Variants in RAMP3 observed in about 807,000 individuals in gnomAD.
RAMP3 encodes receptor activity modifying protein 3.
A neutral mutation model predicts 13.5 loss-of-function variants in RAMP3; 14 were observed. The ratio of observed to expected loss-of-function variants is 1.04; its 90% CI spans 0.69 to 1.63. RAMP3 has a LOEUF of 1.63. RAMP3 is among the 40% of genes most tolerant of loss of function. The probability of loss-of-function intolerance (pLI) is 0.00; values close to 1 mark genes in which losing one functional copy is unlikely to be tolerated. For missense variants in RAMP3, 200 were observed against 204.8 expected, an observed-to-expected ratio of 0.98 and a Z score of 0.14; for synonymous variants, 106 against 88.3, an observed-to-expected ratio of 1.20 and a Z score of -1.12.
Position 45,177,237 on chromosome 7 carries a change from C to T in RAMP3, c.59-72C>T, listed in dbSNP as rs1786205282. The T allele has an allele frequency of 6.3e-6, 10 of 1,595,920 alleles. No homozygotes were observed. The South Asian group carries it at 1.0e-4, about 16-fold the overall frequency. On this transcript the variant is annotated intron_variant, in intron 1 of 2. Coordinates refer to ENST00000242249, the MANE Select transcript of RAMP3 (RefSeq NM_005856.3). ...GCTAGTGAGTACTCAAGTTATGGCC[C>T]CTTGGGCCTCCCCTGTCCTGGCATC...
intron 1 of RAMP3, among the ~76,000 whole-genome samples, chr7:45,159,665 T>C (rs1785826877): frequency 6.6e-6 from 1 of 152,218 alleles, no homozygotes; most frequent in African/African-American, 2.4e-5. Flanking sequence ...GTTTCCGAGC[T>C]GCAATGTAGA....
At chr7:45,169,157 G>C (rs1050564520) in intron 1 of RAMP3, among the ~76,000 whole-genome samples, 6 of 152,150 alleles carry the variant, frequency 3.9e-5, no homozygotes, top group African/African-American at 1.4e-4. Context: ...CTTTTTATAT[G>C]TTGCTGGATT....
At chr7:45,163,386 G>T in intron 1 of RAMP3, 2 of 985,458 alleles carry the variant, frequency 2.0e-6, no homozygotes, top group Non-Finnish European at 2.4e-6. Context: ...GCACTTCAGG[G>T]TCTAGAGCTG....
intron 1 of RAMP3, among the ~76,000 whole-genome samples, chr7:45,166,004 G>A (rs944271695): frequency 6.6e-6 from 1 of 152,118 alleles, no homozygotes; most frequent in East Asian, 1.9e-4. Flanking sequence ...AAAAATCTGT[G>A]TGTGAACATG....
intron 1 of RAMP3, among the ~76,000 whole-genome samples, chr7:45,166,304 G>A (rs1294952): frequency 6.6e-6 from 1 of 151,902 alleles, no homozygotes; most frequent in Admixed American, 6.6e-5. Flanking sequence ...CAAATGTCTG[G>A]GGTTACAAGT....
At chr7:45,173,216 AT>A (rs1324962391) in intron 1 of RAMP3, among the ~76,000 whole-genome samples, 1 of 152,106 alleles carries the variant, frequency 6.6e-6, no homozygotes, top group Non-Finnish European at 1.5e-5. Context: ...TATGGTTTAT[AT>A]TTTATCCAGG....
chr7:45,158,292 A>C (rs1280143061), intron 1 of RAMP3, among the ~76,000 whole-genome samples: 1 of 152,156 alleles, frequency 6.6e-6, no homozygotes, highest in African/African-American at 2.4e-5. Flanking sequence ...CTGTCCTGGC[A>C]TTGAGTGCCT....
chr7:45,176,630 C>G (rs6945817), intron 1 of RAMP3, among the ~76,000 whole-genome samples: 10,094 of 152,092 alleles, frequency 0.066, 463 homozygotes, highest in Middle Eastern at 0.13. Context: ...AGGATGTTCC[C>G]CATGGGGAAA....
intron 1 of RAMP3, among the ~76,000 whole-genome samples, chr7:45,174,687 G>A (rs1040374485): frequency 1.3e-5 from 2 of 152,084 alleles, no homozygotes; most frequent in Non-Finnish European, 2.9e-5. Context: ...GCCCCTATAT[G>A]GCCTGTGCAT....
At chr7:45,171,830 A>G (rs1407572832) in intron 1 of RAMP3, among the ~76,000 whole-genome samples, 1 of 152,148 alleles carries the variant, frequency 6.6e-6, no homozygotes, top group Non-Finnish European at 1.5e-5. Context: ...AATATAGTCA[A>G]TCCCTTCTGC....
chr7:45,165,048 TTTA>T (rs1244185292), intron 1 of RAMP3, among the ~76,000 whole-genome samples: 2 of 152,110 alleles, frequency 1.3e-5, no homozygotes, highest in Non-Finnish European at 2.9e-5. Context: ...GGACTTAGTA[TTTA>T]TTATTATTAC....
At chr7:45,173,512 G>T (rs1328220815) in intron 1 of RAMP3, among the ~76,000 whole-genome samples, 1 of 152,196 alleles carries the variant, frequency 6.6e-6, no homozygotes. Flanking sequence ...ATGCCTTGAG[G>T]TGCCTGTGGG....
At position 45,175,381 on chromosome 7, in the gene RAMP3, T is replaced by C. The variant is rs367669473; in HGVS notation, c.59-1928T>C. On this transcript the variant is annotated intron_variant, in intron 1 of 2. Coordinates refer to ENST00000242249, the MANE Select transcript of RAMP3 (RefSeq NM_005856.3). ...TGTGTGCTTCCCATCTCCAGGGTTC[T>C]CTGGGGCCTCAAGATGCCCTGGGTC... Among the ~76,000 whole-genome samples, 4 of 152,330 alleles carry C rather than the reference T, an allele frequency of 2.6e-5. No individual in the cohort carries two copies. The South Asian group carries it at 8.3e-4, about 32-fold the overall frequency.
chr7:45,177,258 G>A, intron 1 of RAMP3, 51 bp from the exon 2 acceptor site: 1 of 1,609,896 alleles, frequency 6.2e-7, no homozygotes, highest in Non-Finnish European at 8.5e-7. Flanking sequence ...CCCTGTCCTG[G>A]CATCCCCAGT....
At chr7:45,162,281 C>A (rs1353819003) in intron 1 of RAMP3, among the ~76,000 whole-genome samples, 1 of 152,200 alleles carries the variant, frequency 6.6e-6, no homozygotes, top group Non-Finnish European at 1.5e-5. Flanking sequence ...TCAATGCCGA[C>A]CTGTACTCCA....
At chr7:45,169,929 T>C (rs1306686777) in intron 1 of RAMP3, among the ~76,000 whole-genome samples, 2 of 152,232 alleles carry the variant, frequency 1.3e-5, no homozygotes, top group African/African-American at 4.8e-5. Flanking sequence ...ATTCATTCCA[T>C]AACAATGCCT....
chr7:45,175,906 A>C (rs1469609275), intron 1 of RAMP3, among the ~76,000 whole-genome samples: 2 of 152,180 alleles, frequency 1.3e-5, no homozygotes, highest in African/African-American at 2.4e-5. Context: ...CTGGTGGAGC[A>C]GGTCCCTGCA....
rs761679864 is a variant in RAMP3, at chr7:45,157,849, G to C, written c.21G>C (p.Arg7=). 2.1e-5 allele frequency: 30 copies of C among 1,424,498 alleles called. No homozygotes were observed. The South Asian group carries it at 4.1e-4, about 19-fold the overall frequency. 88.2% of individuals were successfully genotyped at this position (1,424,498 alleles called of 1,614,324 possible). ...CAGCCATGGAGACTGGAGCGCTGCG[G>C]CGCCCGCAACTTCTCCCGTTGCTGC... METGAL[R]RPQLLPLLLL... The change falls in exon 1 of 3, where the codon CGG becomes CGC. Residue 7 remains arginine, a synonymous_variant. Transcript: ENST00000242249.
At chr7:45,161,599 G>A (rs1785867926) in intron 1 of RAMP3, among the ~76,000 whole-genome samples, 1 of 151,780 alleles carries the variant, frequency 6.6e-6, no homozygotes, top group Admixed American at 6.6e-5. Context: ...TCCAAGAAGA[G>A]GAGGAAGGAA....
Sources: gnomAD v4.1 joint callset for allele counts (sites outside exome capture counted in the v4.1 genomes callset) on GRCh38, gnomAD v4.1.1 for gene constraint, MANE v1.5 for transcripts, NCBI Gene and HGNC (gene_info 2026-07-23, HGNC 2026-07-21) for gene names.